Variants in ELAC2 observed in about 807,000 individuals in gnomAD.
ELAC2 encodes elaC ribonuclease Z 2.
In ELAC2, 92 loss-of-function variants were observed where a neutral mutation model predicts 105.2. The observed-to-expected ratio is 0.87, with a 90% CI of 0.74 to 1.04. The LOEUF is 1.04. Among genes scored for constraint, ELAC2 ranks in the 50% least tolerant of loss-of-function variants. ELAC2 has a pLI of 0.00. For missense variants in ELAC2, 1,099 were observed against 1,071.7 expected (o/e 1.03, Z -0.36); for synonymous variants, 468 against 409.1 (o/e 1.14, Z -1.74).
intron 8 of ELAC2, among the ~76,000 whole-genome samples, chr17:13,010,072 T>G (rs1297398936): frequency 2.0e-5 from 3 of 152,002 alleles, no homozygotes. Flanking sequence ...GGGGTTATTT[T>G]GAGAAACAGA....
Position 12,992,498 on chromosome 17 carries a change from C to T in ELAC2, c.*320G>A, listed in dbSNP as rs2523. On this transcript the variant is annotated 3_prime_UTR_variant, in exon 24 of 24. Transcript: ENST00000338034. ...CTTGTCTCTGGTGTGCAGGGAATCA[C>T]TTTGCTGGATTAGAGGAAAGGTGCC... The T allele has an allele frequency of 0.58, 268,818 of 459,908 alleles. 79,642 individuals carry two copies. The highest frequency in any genetic ancestry group is 0.63 in the Non-Finnish European group (156,444 of 250,052). 28.5% of individuals were successfully genotyped at this position (459,908 alleles called of 1,614,324 possible). A position where few individuals can be genotyped will look rare whatever the true frequency, so the allele number is the denominator to read the frequency against.
chr17:13,009,434 C>G (rs1192991979), intron 8 of ELAC2, among the ~76,000 whole-genome samples: 1 of 152,156 alleles, frequency 6.6e-6, no homozygotes, highest in Non-Finnish European at 1.5e-5. Flanking sequence ...AAATAAGCCA[C>G]TAGTCAGATC....
At chr17:12,996,010 A>G in intron 17 of ELAC2, 32 bp from the exon 18 acceptor site, 2 of 1,578,080 alleles carry the variant, frequency 1.3e-6, no homozygotes, top group South Asian at 1.2e-5. Flanking sequence ...TGCGTCAGCC[A>G]GGCCCCAGGG....
rs185605570 is a variant in ELAC2 at position 12,999,270 on chromosome 17, T to C, written c.1424-762A>G. Among the ~76,000 whole-genome samples, 28 of 152,356 alleles carry C rather than the reference T, an allele frequency of 1.8e-4. No homozygotes were observed. In the South Asian group the frequency reaches 2.5e-3, roughly 14 times the overall value. On this transcript the variant is annotated intron_variant, in intron 15 of 23. Transcript: ENST00000338034. ...TTATTTCAAGAGAACAGTGTGTGCCTTGCATCCAGCTCTCACTGCAAGACC... is the reference window on the plus strand; with the variant it reads ...TTATTTCAAGAGAACAGTGTGTGCCCTGCATCCAGCTCTCACTGCAAGACC...
chr17:13,004,993 G>T lies in ELAC2; in HGVS notation c.979C>A (p.Gln327Lys). ...ACCCTAGAGACCCCTCATTACCTCT[G>T]AAAGGTGGCATTCTCACAGATGGGT... ...IQPICENATF[Q>K]RYQGKADAPV... is the part of the protein sequence containing the mutation. The change falls in exon 11 of 24, where the codon CAG (glutamine) becomes AAG (lysine). Residue 327 changes from glutamine to lysine, a missense_variant. Coordinates refer to ENST00000338034, the MANE Select transcript of ELAC2 (RefSeq NM_018127.7). 1 of 1,612,766 alleles carries T rather than the reference G, an allele frequency of 6.2e-7. No individual in the cohort carries two copies. The highest frequency in any genetic ancestry group is 8.5e-7 in the Non-Finnish European group (1 of 1,178,824).
At chr17:12,996,398 G>T in intron 17 of ELAC2, 149 bp downstream of exon 17, 1 of 1,183,372 alleles carries the variant, frequency 8.5e-7, no homozygotes, top group Non-Finnish European at 1.2e-6. Flanking sequence ...ACTATGTTGA[G>T]TTTTGCAAAA....
chr17:13,010,667 A>AAC lies in ELAC2; in HGVS notation c.682_683dup (p.Ser229LeufsTer14). On this transcript the variant is annotated frameshift_variant, in exon 8 of 24. Coordinates refer to ENST00000338034, the MANE Select transcript of ELAC2 (RefSeq NM_018127.7). LOFTEE classifies it high-confidence loss of function. ...AGTCCCTGACCCCTCTTCTCTGGCT[A>AAC]ACACCTGAGGAAAAACACACTTGAT... 6.2e-7 allele frequency: 1 copy of AAC among 1,614,074 alleles called. No homozygotes were observed. Among genetic ancestry groups the AAC allele is most frequent in the South Asian group, 1.1e-5 (1 of 91,078 alleles).
intron 8 of ELAC2, 57 bp downstream of exon 8, chr17:13,010,556 C>T: frequency 6.6e-7 from 1 of 1,522,218 alleles, no homozygotes; most frequent in South Asian, 1.1e-5. Flanking sequence ...AAGTGCAAAC[C>T]AGAGGTCGCT....
intron 22 of ELAC2, among the ~76,000 whole-genome samples, 161 bp downstream of exon 22, chr17:12,994,264 C>T (rs1449522260): frequency 6.6e-6 from 1 of 152,158 alleles, no homozygotes; most frequent in Non-Finnish European, 1.5e-5. Context: ...AAAATAAAGG[C>T]CAAGAGCCTG....
At chr17:13,011,575 T>G in intron 7 of ELAC2, 88 bp downstream of exon 7, 1 of 1,606,838 alleles carries the variant, frequency 6.2e-7, no homozygotes, top group South Asian at 1.1e-5. Flanking sequence ...CTGGCTTTCT[T>G]ACAATAATGA....
At chr17:13,005,169 G>T (rs931688481) in intron 10 of ELAC2, 68 bp from the exon 11 acceptor site, 2 of 1,093,348 alleles carry the variant, frequency 1.8e-6, no homozygotes, top group Non-Finnish European at 2.8e-6. Context: ...TGCCTTCAAG[G>T]CAACTGCTAA....
intron 18 of ELAC2, 37 bp downstream of exon 18, chr17:12,995,903 G>A (rs1356341552): frequency 5.0e-6 from 8 of 1,586,958 alleles, no homozygotes; most frequent in East Asian, 2.3e-5. Context: ...TGTGTAAACC[G>A]CTGAAACTCA....
At position 13,017,934 on chromosome 17, in the gene ELAC2, C is replaced by G. The variant is rs1297700766; in HGVS notation, c.14G>C (p.Cys5Ser). 6.5e-7 allele frequency: 1 copy of G among 1,538,416 alleles called. No individual in the cohort carries two copies. The highest frequency in any genetic ancestry group is 8.7e-7 in the Non-Finnish European group (1 of 1,146,998). The change falls in exon 1 of 24, where the codon TGC becomes TCC. Residue 5 changes from cysteine (C) to serine (S), a missense_variant. By Grantham distance (112) the Cys-to-Ser change is moderately radical (BLOSUM62 -1). Transcript: ENST00000338034. The part of the protein sequence containing the change: MWAL[C>S]SLLRSAAGRT... ...TCCGGCCGCGGACCGCAGCAGCGAGCAAAGCGCCCACATGCGCCCGTCTCC... is the reference window on the plus strand; with the variant it reads ...TCCGGCCGCGGACCGCAGCAGCGAGGAAAGCGCCCACATGCGCCCGTCTCC...
chr17:13,011,625 C>G, intron 7 of ELAC2, 38 bp downstream of exon 7: 1 of 1,614,146 alleles, frequency 6.2e-7, no homozygotes, highest in Non-Finnish European at 8.5e-7. Context: ...TAAGAAAACG[C>G]AAGCCTTTCT....
At chr17:13,004,935 ATGC>A (rs1432960792) in intron 11 of ELAC2, 51 bp downstream of exon 11, 1 of 1,370,102 alleles carries the variant, frequency 7.3e-7, no homozygotes, top group Non-Finnish European at 1.0e-6. Flanking sequence ...GCCCATGTCG[ATGC>A]TGGGCTGGGT....
At chr17:13,004,552 C>G (rs1280575510) in intron 11 of ELAC2, among the ~76,000 whole-genome samples, 1 of 152,172 alleles carries the variant, frequency 6.6e-6, no homozygotes, top group Non-Finnish European at 1.5e-5. Flanking sequence ...AAAGACATTC[C>G]CCAGCTGTGA....
intron 7 of ELAC2, 150 bp downstream of exon 7, chr17:13,011,511 TCC>T: frequency 7.6e-7 from 1 of 1,316,924 alleles, no homozygotes; most frequent in Non-Finnish European, 1.1e-6. Context: ...CCCTTCTCAT[TCC>T]CCCAACGGGC....
At position 12,991,909 on chromosome 17, in the gene ELAC2, G is replaced by A. The variant is rs1033650758; in HGVS notation, c.*909C>T. Among the ~76,000 whole-genome samples, 1 of 151,534 alleles carries A rather than the reference G, an allele frequency of 6.6e-6. No individual in the cohort carries two copies. Among genetic ancestry groups the A allele is most frequent in the African/African-American group, 2.4e-5 (1 of 41,176 alleles). On this transcript the variant is annotated 3_prime_UTR_variant, in exon 24 of 24. Transcript: ENST00000338034. ...CCTTGGAAAATGCTCTCCATTTGTC[G>A]AGCACTAATCCACGTCTGTAAATCC...
At position 13,005,975 on chromosome 17, in the gene ELAC2, T is replaced by G; in HGVS notation, c.743A>C (p.His248Pro). The change falls in exon 9 of 24, where the codon CAC (histidine) becomes CCC (proline). Residue 248 changes from histidine to proline, a missense_variant. Coordinates refer to ENST00000338034, the MANE Select transcript of ELAC2 (RefSeq NM_018127.7). ...CACCAAGAAGTTTCCTCTCTTTAAGTGAAGCTGCAACAAAGAGAACATAGA... is the reference window on the plus strand; with the variant it reads ...CACCAAGAAGTTTCCTCTCTTTAAGGGAAGCTGCAACAAAGAGAACATAGA... Reference protein sequence around the residue: ...SLVVAFICKLHLKRGNFLVLK... With the variant: ...SLVVAFICKLPLKRGNFLVLK... The G allele has an allele frequency of 3.1e-6, 5 of 1,614,110 alleles. No individual in the cohort carries two copies. The highest frequency in any genetic ancestry group is 4.2e-6 in the Non-Finnish European group (5 of 1,180,012).
Sources: allele counts gnomAD v4.1 joint callset (sites outside exome capture counted in the v4.1 genomes callset), GRCh38; gene constraint gnomAD v4.1.1; transcripts MANE v1.5; gene names NCBI Gene and HGNC (gene_info 2026-07-23, HGNC 2026-07-21).